Variants in PLXNB2 observed in about 807,000 individuals in gnomAD.
PLXNB2 encodes plexin-B2.
Under a neutral mutation model 202.6 loss-of-function variants are expected in PLXNB2, and 85 were observed. The observed-to-expected ratio is 0.42, with a 90% CI of 0.35 to 0.50. PLXNB2 has a LOEUF of 0.50. Ranked by LOEUF, PLXNB2 falls within the 20% of genes least tolerant of loss-of-function variation. The pLI is 0.02. For synonymous variants in PLXNB2, 1,239 were observed against 1,137.6 expected (o/e 1.09, Z -1.79); for missense variants, 2,063 against 2,586.2 (o/e 0.80, Z 4.39).
rs965659611 is a variant in PLXNB2, at chr22:50,284,516, C to G, written c.2181+57G>C. On this transcript the variant is annotated intron_variant, in intron 12 of 36. Transcript: ENST00000359337. The surrounding 1 kb of genome is among the most constrained non-coding windows in gnomAD (Gnocchi z 8.0). ...CCTCACAGTCCTGAAGGTGACCCCC[C>G]ACCCCACCCGGGGCCCTGGGGTCCA... 79 of 1,335,636 alleles carry G rather than the reference C, an allele frequency of 5.9e-5. No individual in the cohort carries two copies. The highest frequency in any genetic ancestry group is 7.2e-5 in the Non-Finnish European group (68 of 946,542). The allele number at this position is 1,335,636 out of a possible 1,614,324, so 82.7% of individuals were successfully genotyped here. A position where few individuals can be genotyped will look rare whatever the true frequency, so the allele number is the denominator to read the frequency against.
chr22:50,288,198 G>A lies in PLXNB2; in HGVS notation c.1381-161C>T, dbSNP rs58705604. 0.038 allele frequency among the ~76,000 whole-genome samples: 5,792 copies of A among 152,194 alleles called. 152 individuals carry two copies. The highest frequency in any genetic ancestry group is 0.08 in the African/African-American group (3,321 of 41,524). ...TATTAAACAGTTCTGGCTCTGGGTG[G>A]CCATGCCTGGCCCAGGATCCCGATG... On this transcript the variant is annotated intron_variant, in intron 5 of 36. Coordinates refer to ENST00000359337, the MANE Select transcript of PLXNB2 (RefSeq NM_012401.4). The surrounding 1 kb of genome is among the most constrained non-coding windows in gnomAD (Gnocchi z 5.0).
At position 50,281,102 on chromosome 22, in the gene PLXNB2, C is replaced by T; in HGVS notation, c.3750G>A (p.Lys1250=). ...AGCGGTCCCTACCTGTGAATTCCTT[C>T]TTGCAGCGGTCCCGCACGCTCTCCT... ...GLEESVRDRC[K]KEFTDLMIEM... Residue 1250 remains lysine, a synonymous_variant, in exon 23 of 37, where the codon AAG becomes AAA. Coordinates refer to ENST00000359337, the MANE Select transcript of PLXNB2 (RefSeq NM_012401.4). 1.2e-6 allele frequency: 2 copies of T among 1,613,224 alleles called. No individual in the cohort carries two copies. Among genetic ancestry groups the T allele is most frequent in the South Asian group, 1.1e-5 (1 of 91,082 alleles).
rs563266988 is a variant in PLXNB2, at chr22:50,291,690, G to A, written c.-13-1093C>T. ...CCTCAGGGTGGTCCGTCCCTCTCACGCTAGGGACCCTGCTCCATCCTGGCC... is the reference window on the plus strand; with the variant it reads ...CCTCAGGGTGGTCCGTCCCTCTCACACTAGGGACCCTGCTCCATCCTGGCC... On this transcript the variant is annotated intron_variant, in intron 2 of 36. Transcript: ENST00000359337. This position sits in a 1 kb window ranked among gnomAD's most constrained non-coding sequence, Gnocchi z 4.3. 2.0e-5 allele frequency among the ~76,000 whole-genome samples: 3 copies of A among 152,008 alleles called. No individual in the cohort carries two copies. The highest frequency in any genetic ancestry group is 2.9e-5 in the Non-Finnish European group (2 of 67,972).
intron 1 of PLXNB2, among the ~76,000 whole-genome samples, chr22:50,302,024 C>G (rs1435258662): frequency 2.0e-5 from 3 of 152,242 alleles, no homozygotes; most frequent in Non-Finnish European, 2.9e-5. Flanking sequence ...AAGCCTCAGG[C>G]CGGGGCACTT....
Position 50,275,584 on chromosome 22 carries a change from G to T in PLXNB2, c.*120C>A. 1.4e-6 allele frequency: 1 copy of T among 706,954 alleles called. No homozygotes were observed. Among genetic ancestry groups the T allele is most frequent in the Non-Finnish European group, 2.4e-6 (1 of 408,330 alleles). The allele number at this position is 706,954 out of a possible 1,614,324, so 43.8% of individuals were successfully genotyped here. A position where few individuals can be genotyped will look rare whatever the true frequency, so the allele number is the denominator to read the frequency against. On this transcript the variant is annotated 3_prime_UTR_variant, in exon 37 of 37. Transcript: ENST00000359337. ...GCGGGTTCCGGCTGCACCCACTCCGGCTTGGGGCGCGTTCCAGGGGAGGGT... is the reference window on the plus strand; with the variant it reads ...GCGGGTTCCGGCTGCACCCACTCCGTCTTGGGGCGCGTTCCAGGGGAGGGT...
At chr22:50,290,668 T>C in intron 2 of PLXNB2, 71 bp from the exon 3 acceptor site, 1 of 1,430,322 alleles carries the variant, frequency 7.0e-7, no homozygotes, top group Admixed American at 2.5e-5. Context: ...CTCCAGTCCC[T>C]GCCCCAAACG....
At position 50,288,697 on chromosome 22, in the gene PLXNB2, G is replaced by A. The variant is rs757285787; in HGVS notation, c.1380+46C>T. The A allele has an allele frequency of 1.2e-4, 186 of 1,606,064 alleles. No individual in the cohort carries two copies. Among genetic ancestry groups the A allele is most frequent in the Non-Finnish European group, 1.4e-4 (162 of 1,176,490 alleles). The stretch of plus-strand genomic sequence containing the variant: ...CCTAAGGGCCTGGGATGCAATGACC[G>A]GGCACACTTGGCCTAGAGTGCTCTC... On this transcript the variant is annotated intron_variant, in intron 5 of 36. Coordinates refer to ENST00000359337, the MANE Select transcript of PLXNB2 (RefSeq NM_012401.4). The surrounding 1 kb of genome is among the most constrained non-coding windows in gnomAD (Gnocchi z 5.0).
intron 2 of PLXNB2, among the ~76,000 whole-genome samples, chr22:50,293,189 G>A (rs1308653594): frequency 6.6e-6 from 1 of 152,212 alleles, no homozygotes; most frequent in Non-Finnish European, 1.5e-5. Flanking sequence ...GGTGGAGGGG[G>A]TTCTATGCCC....
intron 8 of PLXNB2, 68 bp from the exon 9 acceptor site, chr22:50,286,355 C>T (rs2066457557): frequency 2.7e-6 from 3 of 1,115,848 alleles, no homozygotes; most frequent in South Asian, 1.3e-5. Flanking sequence ...TGGGCCTCCC[C>T]TGGGGCTGAC....
At chr22:50,298,581 G>T (rs1307751071) in intron 1 of PLXNB2, among the ~76,000 whole-genome samples, 1 of 152,230 alleles carries the variant, frequency 6.6e-6, no homozygotes, top group Non-Finnish European at 1.5e-5. Context: ...ACTGCGGGGT[G>T]GTTCCAGTGG....
intron 1 of PLXNB2, among the ~76,000 whole-genome samples, chr22:50,299,572 G>T (rs1450575717): frequency 6.6e-6 from 1 of 152,050 alleles, no homozygotes; most frequent in Non-Finnish European, 1.5e-5. Flanking sequence ...CCCAGCCTCC[G>T]CTGTTTTCAA....
Position 50,279,781 on chromosome 22 carries a change from A to G in PLXNB2, c.4243-5T>C. ...CAGGGGCTCCCCGGCACTGTCCTGGAGTAACACGGAGGGGAGGCTGGGAGG... is the reference window on the plus strand; with the variant it reads ...CAGGGGCTCCCCGGCACTGTCCTGGGGTAACACGGAGGGGAGGCTGGGAGG... On this transcript the variant is annotated splice_polypyrimidine_tract_variant and splice_region_variant and intron_variant, in intron 26 of 36. Coordinates refer to ENST00000359337, the MANE Select transcript of PLXNB2 (RefSeq NM_012401.4). 6.2e-7 allele frequency: 1 copy of G among 1,613,676 alleles called. No individual in the cohort carries two copies. Among genetic ancestry groups the G allele is most frequent in the Non-Finnish European group, 8.5e-7 (1 of 1,179,906 alleles).
intron 18 of PLXNB2, 38 bp downstream of exon 18, chr22:50,282,672 TG>T (rs1365741664): frequency 7.0e-7 from 1 of 1,434,966 alleles, no homozygotes; most frequent in East Asian, 2.4e-5. Flanking sequence ...GGCAGCTGGG[TG>T]TGGGGAGCAG....
At chr22:50,276,787 C>T (rs376140936) in intron 34 of PLXNB2, 55 bp downstream of exon 34, 25 of 1,597,072 alleles carry the variant, frequency 1.6e-5, no homozygotes, top group Middle Eastern at 3.3e-4. Context: ...TGAACCTCCC[C>T]GCAGGGGGTC....
In PLXNB2 at chr22:50,281,446, C is replaced by T; in HGVS notation, c.3576G>A (p.Arg1192=). ...TGAGGCTGAGCGGCACGTCGCTCAC[C>T]CGTGTGTCGTACTCCACGCGGCCCA... ...WVLGRVEYDT[R]VSDVPLSLIL... Residue 1192 remains arginine, a synonymous_variant, in exon 22 of 37, where the codon CGG becomes CGA. Coordinates refer to ENST00000359337, the MANE Select transcript of PLXNB2 (RefSeq NM_012401.4). The T allele has an allele frequency of 1.2e-6, 2 of 1,612,504 alleles. No homozygotes were observed. Among genetic ancestry groups the T allele is most frequent in the African/African-American group, 1.3e-5 (1 of 75,032 alleles).
rs377737626 is a variant in PLXNB2 at position 50,281,681 on chromosome 22, C to T, written c.3407G>A (p.Arg1136His). Residue 1136 changes from arginine (R) to histidine (H), a missense_variant, in exon 21 of 37, where the codon CGC (arginine) becomes CAC (histidine). Around this residue, in one of 2 missense-constraint regions of PLXNB2, gnomAD observed 760 missense variants for 1,109.4 expected, o/e 0.69. Transcript: ENST00000359337. ...QEAEAFVGAE[R>H]CTMKTLTETD... is the part of the protein sequence containing the mutation. ...CTCCGTCAGCGTCTTCATGGTGCAG[C>T]GCTCGGCACCCACGAAGGCCTCGGC... The T allele has an allele frequency of 5.3e-5, 83 of 1,574,334 alleles. No individual in the cohort carries two copies. The Middle Eastern group carries it at 1.7e-3, about 32-fold the overall frequency.
rs186710051 is a variant in PLXNB2 at position 50,296,572 on chromosome 22, A to G, written c.-73-1794T>C. Among the ~76,000 whole-genome samples, 7 of 147,784 alleles carry G rather than the reference A, an allele frequency of 4.7e-5. No homozygotes were observed. The East Asian group carries it at 1.4e-3, about 29-fold the overall frequency. ...ACACCATTGCACTCCAGCCTGGGGAAAGAGCAAGACTCTGTCTCAAAAAAA... is the reference window on the plus strand; with the variant it reads ...ACACCATTGCACTCCAGCCTGGGGAGAGAGCAAGACTCTGTCTCAAAAAAA... On this transcript the variant is annotated intron_variant, in intron 1 of 36. Coordinates refer to ENST00000359337, the MANE Select transcript of PLXNB2 (RefSeq NM_012401.4).
chr22:50,289,185 T>G lies in PLXNB2; in HGVS notation c.1069-43A>C, dbSNP rs1250505265. On this transcript the variant is annotated intron_variant, in intron 3 of 36. Transcript: ENST00000359337. This position sits in a 1 kb window ranked among gnomAD's most constrained non-coding sequence, Gnocchi z 8.0. ...TCAATGGCAGGCAGACCCCCTGTCCTGAAGGGCCCTCTCCACTCGCGCTCC... is the reference window on the plus strand; with the variant it reads ...TCAATGGCAGGCAGACCCCCTGTCCGGAAGGGCCCTCTCCACTCGCGCTCC... The G allele has an allele frequency of 1.3e-6, 2 of 1,483,240 alleles. No homozygotes were observed. The highest frequency in any genetic ancestry group is 2.8e-5 in the African/African-American group (2 of 71,642). The allele number at this position is 1,483,240 out of a possible 1,614,324, so 91.9% of individuals were successfully genotyped here. A position where few individuals can be genotyped will look rare whatever the true frequency, so the allele number is the denominator to read the frequency against.
Position 50,284,037 on chromosome 22 carries a change from C to T in PLXNB2, c.2264-47G>A. ...GTGGTCACCCCGTGCCTGCCCGCCC[C>T]CGACCTGCTCCCCACTGCGCCCACC... On this transcript the variant is annotated intron_variant, in intron 13 of 36. Transcript: ENST00000359337. The surrounding 1 kb of genome is among the most constrained non-coding windows in gnomAD (Gnocchi z 8.0). 6.6e-7 allele frequency: 1 copy of T among 1,523,308 alleles called. No individual in the cohort carries two copies. Among genetic ancestry groups the T allele is most frequent in the Non-Finnish European group, 8.8e-7 (1 of 1,138,662 alleles). 94.4% of individuals were successfully genotyped at this position (1,523,308 alleles called of 1,614,324 possible). A position where few individuals can be genotyped will look rare whatever the true frequency, so the allele number is the denominator to read the frequency against.
Sources: gnomAD v4.1 joint callset for allele counts (sites outside exome capture counted in the v4.1 genomes callset) on GRCh38, gnomAD v4.1.1 for gene constraint, gnomAD v4.1.1 regional missense constraint, Gnocchi (gnomAD v3.1) non-coding constraint, MANE v1.5 for transcripts, NCBI Gene and HGNC (gene_info 2026-07-23, HGNC 2026-07-21) for gene names.